INTS2: variants seen among roughly 807,000 people sequenced by gnomAD.
INTS2 encodes the protein integrator complex subunit 2, also known as KIAA1287.
INTS2 carries 57 observed loss-of-function variants against 139.6 expected under a neutral mutation model. That is an observed-to-expected ratio of 0.41 (90% confidence interval 0.33 to 0.51). The LOEUF (loss-of-function observed/expected upper bound fraction) is 0.51. Ranked by LOEUF, INTS2 falls within the 20% of genes least tolerant of loss-of-function variation. The pLI, the probability that INTS2 is intolerant of heterozygous loss-of-function variation, is 0.28. For missense variants in INTS2, 1,196 were observed against 1,436.7 expected (o/e 0.83, Z 2.71); for synonymous variants, 473 against 493.4 (o/e 0.96, Z 0.55).
intron 14 of INTS2, among the ~76,000 whole-genome samples, 158 bp downstream of exon 14, chr17:61,891,355 C>T (rs2079291649): frequency 6.6e-6 from 1 of 151,784 alleles, no homozygotes; most frequent in Admixed American, 6.6e-5. Context: ...GGAACTAATA[C>T]CATTCTTTTA....
chr17:61,875,224 A>G lies in INTS2; in HGVS notation c.2457-186T>C, dbSNP rs2079117979. ...AAATATCTCTTTAAAAAACACAGAG[A>G]TAAAACAGTAAACACAAAGTAGTTT... On this transcript the variant is annotated intron_variant, in intron 18 of 24. Coordinates refer to ENST00000251334, the MANE Select transcript of INTS2 (RefSeq NM_001351695.2). The surrounding 1 kb of genome is among the most constrained non-coding windows in gnomAD (Gnocchi z 4.6). Among the ~76,000 whole-genome samples, 3 of 152,234 alleles carry G rather than the reference A, an allele frequency of 2.0e-5. No homozygotes were observed. The South Asian group carries it at 6.2e-4, about 32-fold the overall frequency.
chr17:61,911,396 G>A (rs550114992), intron 7 of INTS2, 124 bp downstream of exon 7: 22 of 705,868 alleles, frequency 3.1e-5, no homozygotes, highest in Non-Finnish European at 4.4e-5. Flanking sequence ...ATATAAGGAG[G>A]TCCCTGAAAC....
At chr17:61,925,481 G>A (rs1291462650) in intron 2 of INTS2, among the ~76,000 whole-genome samples, 4 of 151,998 alleles carry the variant, frequency 2.6e-5, no homozygotes, top group African/African-American at 4.8e-5. Context: ...GGAGACTGAG[G>A]CAGAAGAATC....
intron 3 of INTS2, among the ~76,000 whole-genome samples, chr17:61,924,603 G>A (rs2079688756): frequency 6.6e-6 from 1 of 152,136 alleles, no homozygotes; most frequent in Non-Finnish European, 1.5e-5. Flanking sequence ...TGGATCACCT[G>A]AGTTCAGGAG....
At chr17:61,915,485 C>T (rs1200073236) in intron 5 of INTS2, among the ~76,000 whole-genome samples, 6 of 150,368 alleles carry the variant, frequency 4.0e-5, no homozygotes, top group African/African-American at 1.5e-4. Flanking sequence ...GAGATTGCGC[C>T]ACTGCACTCC....
chr17:61,901,615 T>TTC (rs1567906419), intron 9 of INTS2, among the ~76,000 whole-genome samples: 8 of 110,900 alleles, frequency 7.2e-5, no homozygotes, highest in Non-Finnish European at 1.3e-4. Flanking sequence ...TTTTTTTTTT[T>TTC]CTGAGATGCA....
In INTS2 at chr17:61,893,764, C is replaced by T; in HGVS notation, c.1698+1G>A. ...ATTTTGTTTTATTTGTAGGGGCATACTTTTATTGACACTTTGTGCTTGGTA... is the reference window on the plus strand; with the variant it reads ...ATTTTGTTTTATTTGTAGGGGCATATTTTTATTGACACTTTGTGCTTGGTA... On this transcript the variant is annotated splice_donor_variant, in intron 13 of 24. Coordinates refer to ENST00000251334, the MANE Select transcript of INTS2 (RefSeq NM_001351695.2). LOFTEE classifies it high-confidence loss of function. This position sits in a 1 kb window ranked among gnomAD's most constrained non-coding sequence, Gnocchi z 5.4. 6.3e-7 allele frequency: 1 copy of T among 1,577,130 alleles called. No homozygotes were observed. Among genetic ancestry groups the T allele is most frequent in the Non-Finnish European group, 8.6e-7 (1 of 1,160,036 alleles).
At chr17:61,889,756 A>C in intron 15 of INTS2, 30 bp downstream of exon 15, 2 of 1,105,076 alleles carry the variant, frequency 1.8e-6, no homozygotes, top group Non-Finnish European at 1.4e-6. Flanking sequence ...ATAAACTACC[A>C]CTAGAACCAC....
In INTS2 at chr17:61,878,186, A is replaced by G. The variant is rs1018919343; in HGVS notation, c.2255-98T>C. On this transcript the variant is annotated intron_variant, in intron 17 of 24. Coordinates refer to ENST00000251334, the MANE Select transcript of INTS2 (RefSeq NM_001351695.2). ...CAGACTATAGACCAAACAAATCAAG[A>G]AAACAATGTGGCTAAAAAGTAACTA... is the stretch of plus-strand genomic sequence containing the variant. The G allele has an allele frequency of 1.8e-5, 13 of 716,608 alleles. No individual in the cohort carries two copies. In the African/African-American group the frequency reaches 1.9e-4, roughly 11 times the overall value. 44.4% of individuals were successfully genotyped at this position (716,608 alleles called of 1,614,324 possible). A position where few individuals can be genotyped will look rare whatever the true frequency, so the allele number is the denominator to read the frequency against.
At chr17:61,903,765 G>C (rs2079432990) in intron 9 of INTS2, among the ~76,000 whole-genome samples, 1 of 151,836 alleles carries the variant, frequency 6.6e-6, no homozygotes, top group African/African-American at 2.4e-5. Context: ...ACTATATATT[G>C]ATCTAATCTA....
intron 17 of INTS2, among the ~76,000 whole-genome samples, chr17:61,879,328 C>T (rs2079157218): frequency 6.6e-6 from 1 of 151,674 alleles, no homozygotes; most frequent in South Asian, 2.1e-4. Flanking sequence ...CCAGGTGGTC[C>T]CCTTATAGGA....
Position 61,878,059 on chromosome 17 carries a change from G to A in INTS2, c.2284C>T (p.Gln762Ter). The change falls in exon 18 of 25, where the codon CAA (glutamine) becomes TAA (stop). Residue 762 changes from glutamine (Q) to a stop codon, truncating the protein, a stop_gained. Transcript: ENST00000251334. LOFTEE classifies it high-confidence loss of function. ...AFSAVPVNNT[Q>*]VMQIIEHLTL... ...AAGTGTTCTATAATCTGCATCACTT[G>A]TGTGTTATTTACTGGGACAGCTGAA... 6.2e-7 allele frequency: 1 copy of A among 1,612,254 alleles called. No individual in the cohort carries two copies. The highest frequency in any genetic ancestry group is 8.5e-7 in the Non-Finnish European group (1 of 1,178,324).
chr17:61,867,282 A>C lies in INTS2; in HGVS notation c.*275T>G, dbSNP rs2079053046. 4.7e-6 allele frequency: 1 copy of C among 212,462 alleles called. No individual in the cohort carries two copies. Among genetic ancestry groups the C allele is most frequent in the African/African-American group, 2.3e-5 (1 of 43,832 alleles). 13.2% of individuals were successfully genotyped at this position (212,462 alleles called of 1,614,324 possible). ...AATACAAGGCCAAATTCCCTTTCCA[A>C]TAATGAGTTTCTTACATGTGTTCCC... On this transcript the variant is annotated 3_prime_UTR_variant, in exon 25 of 25. Transcript: ENST00000251334. This position sits in a 1 kb window ranked among gnomAD's most constrained non-coding sequence, Gnocchi z 5.6.
At position 61,876,159 on chromosome 17, in the gene INTS2, C is replaced by A. The variant is rs1028255049; in HGVS notation, c.2457-1121G>T. On this transcript the variant is annotated intron_variant, in intron 18 of 24. Transcript: ENST00000251334. The surrounding 1 kb of genome is among the most constrained non-coding windows in gnomAD (Gnocchi z 4.1). The stretch of plus-strand genomic sequence containing the variant: ...GTCCAGCCTGGGTGACAAAGCAAGA[C>A]CCTGTATCTAAAAAGTAAAAATAAA... Among the ~76,000 whole-genome samples, 5 of 152,028 alleles carry A rather than the reference C, an allele frequency of 3.3e-5. No individual in the cohort carries two copies. Among genetic ancestry groups the A allele is most frequent in the Admixed American group, 3.3e-4 (5 of 15,242 alleles).
intron 5 of INTS2, among the ~76,000 whole-genome samples, chr17:61,916,573 G>T (rs900375739): frequency 2.6e-5 from 4 of 152,168 alleles, no homozygotes; most frequent in Non-Finnish European, 5.9e-5. Flanking sequence ...TTAACAAATG[G>T]TGTTGGGATA....
At chr17:61,905,392 T>A (rs1025481784) in intron 8 of INTS2, among the ~76,000 whole-genome samples, 1 of 152,232 alleles carries the variant, frequency 6.6e-6, no homozygotes, top group African/African-American at 2.4e-5. Context: ...AGTGGCACAA[T>A]CTCGGCTCAC....
At chr17:61,883,455 A>T (rs2079195854) in intron 16 of INTS2, among the ~76,000 whole-genome samples, 1 of 151,936 alleles carries the variant, frequency 6.6e-6, no homozygotes, top group South Asian at 2.1e-4. Flanking sequence ...AACCAACCAT[A>T]ATAAAGAAAA....
At chr17:61,889,072 A>G (rs894424068) in intron 15 of INTS2, among the ~76,000 whole-genome samples, 2 of 149,214 alleles carry the variant, frequency 1.3e-5, no homozygotes, top group African/African-American at 5.1e-5. Flanking sequence ...AACAAAACAA[A>G]AAAAAAGAAA....
chr17:61,885,813 C>G (rs796124883), intron 15 of INTS2, among the ~76,000 whole-genome samples: 5 of 145,322 alleles, frequency 3.4e-5, no homozygotes, highest in African/African-American at 1.3e-4. Context: ...ACTGCAAACT[C>G]TGCCTCCCAG....
Sources: allele counts gnomAD v4.1 joint callset (sites outside exome capture counted in the v4.1 genomes callset), GRCh38; gene constraint gnomAD v4.1.1; non-coding constraint Gnocchi (gnomAD v3.1); transcripts MANE v1.5; gene names NCBI Gene and HGNC (gene_info 2026-07-23, HGNC 2026-07-21).